The following NYAP2 variants were observed in gnomAD, a reference collection of about 807,000 sequenced individuals.
The protein encoded by NYAP2 is neuronal tyrosine-phosphorylated phosphoinositide-3-kinase adaptor 2, also known as neuronal tyrosine-phosphorylated phosphoinositide-3-kinase adapter 2.
A neutral mutation model predicts 50.4 loss-of-function variants in NYAP2; 23 were observed. That is an observed-to-expected ratio of 0.46 (90% CI 0.33 to 0.65). The LOEUF (loss-of-function observed/expected upper bound fraction) is 0.65. Among genes scored for constraint, NYAP2 ranks in the 30% least tolerant of loss-of-function variants. The pLI is 0.02. For missense variants in NYAP2, 885 were observed against 861.0 expected (o/e 1.03, Z -0.35); for synonymous variants, 394 against 365.2 (o/e 1.08, Z -0.90).
rs115498923 is a variant in NYAP2, at chr2:225,626,130, T to C, written c.1619-787T>C. ...GTTTAATAAGAAATTATCAGTTCAG[T>C]ATCTGAAATGTTCATATGGGGACTC... On this transcript the variant is annotated intron_variant, in intron 5 of 6. Coordinates refer to ENST00000636099, the Ensembl canonical transcript of NYAP2. Among the ~76,000 whole-genome samples the C allele has an allele frequency of 5.3e-3, 810 of 152,332 alleles. 9 individuals are homozygous for C. The highest frequency in any genetic ancestry group is 0.019 in the African/African-American group (779 of 41,568).
intron 3 of NYAP2, among the ~76,000 whole-genome samples, chr2:225,468,063 AC>A (rs759832777): frequency 6.6e-6 from 1 of 152,192 alleles, no homozygotes; most frequent in African/African-American, 2.4e-5. Flanking sequence ...TAATATAATC[AC>A]TTTTAGGGAA....
At chr2:225,558,649 A>G (rs1445426060) in intron 4 of NYAP2, among the ~76,000 whole-genome samples, 2 of 152,076 alleles carry the variant, frequency 1.3e-5, no homozygotes, top group Admixed American at 1.3e-4. Context: ...CTTAACCATA[A>G]TCACATCTGT....
At chr2:225,451,973 TAC>T (rs373016170) in intron 3 of NYAP2, among the ~76,000 whole-genome samples, 3 of 151,898 alleles carry the variant, frequency 2.0e-5, no homozygotes, top group Non-Finnish European at 2.9e-5. Context: ...CACGTATATA[TAC>T]ACACACACAC....
At chr2:225,619,749 G>A (rs576263782) in intron 5 of NYAP2, among the ~76,000 whole-genome samples, 13 of 152,290 alleles carry the variant, frequency 8.5e-5, no homozygotes, top group African/African-American at 3.1e-4. Context: ...ATCCTGGAGA[G>A]AGTGTTTGCT....
chr2:225,620,080 C>T (rs2106252891), intron 5 of NYAP2, among the ~76,000 whole-genome samples: 1 of 152,250 alleles, frequency 6.6e-6, no homozygotes, highest in Middle Eastern at 3.4e-3. Context: ...AAAGCTTTAC[C>T]ACAGTATGTA....
At chr2:225,591,410 A>G (rs1296187804) in intron 5 of NYAP2, among the ~76,000 whole-genome samples, 1 of 152,164 alleles carries the variant, frequency 6.6e-6, no homozygotes, top group Non-Finnish European at 1.5e-5. Context: ...TTGTCTCAGG[A>G]ACAATAGCAA....
At chr2:225,401,951 T>C (rs1694870334) in intron 2 of NYAP2, among the ~76,000 whole-genome samples, 2 of 152,006 alleles carry the variant, frequency 1.3e-5, no homozygotes, top group African/African-American at 2.4e-5. Flanking sequence ...ATAACAAATA[T>C]AGAGAAAGAG....
At chr2:225,672,865 AT>A in the NYAP2 span, among the ~76,000 whole-genome samples, 2 of 152,058 alleles carry the variant, frequency 1.3e-5, no homozygotes, top group Non-Finnish European at 2.9e-5. Flanking sequence ...GCACTAATTG[AT>A]TAAGTTTGCC....
intron 5 of NYAP2, among the ~76,000 whole-genome samples, chr2:225,605,223 T>C (rs1473574061): frequency 1.3e-5 from 2 of 152,176 alleles, no homozygotes; most frequent in South Asian, 2.1e-4. Flanking sequence ...GTTAGAATGA[T>C]TTGAGTCTTA....
At chr2:225,567,128 G>A (rs753295048) in intron 4 of NYAP2, among the ~76,000 whole-genome samples, 5 of 152,108 alleles carry the variant, frequency 3.3e-5, no homozygotes, top group Non-Finnish European at 7.4e-5. Context: ...TGTATAGCAT[G>A]TCACAATATT....
At chr2:225,453,344 T>G (rs1359736851) in intron 3 of NYAP2, among the ~76,000 whole-genome samples, 2 of 152,190 alleles carry the variant, frequency 1.3e-5, no homozygotes, top group African/African-American at 4.8e-5. Context: ...ACAAATTGGC[T>G]GGGGATATTG....
In NYAP2 at chr2:225,533,675, C is replaced by G. The variant is rs534051301; in HGVS notation, c.523+20003C>G. Among the ~76,000 whole-genome samples the G allele has an allele frequency of 2.0e-5, 3 of 150,408 alleles. No individual in the cohort carries two copies. The South Asian group carries it at 6.3e-4, about 31-fold the overall frequency. ...CTACACTCCAGCCTGGGTGACAGAG[C>G]AAGACTCTGTCTCAAAAAAAAAAAG... is the stretch of plus-strand genomic sequence containing the variant. On this transcript the variant is annotated intron_variant, in intron 4 of 6. Transcript: ENST00000636099.
chr2:225,443,526 A>G (rs1237293321), intron 3 of NYAP2, among the ~76,000 whole-genome samples: 1 of 152,100 alleles, frequency 6.6e-6, no homozygotes, highest in East Asian at 1.9e-4. Flanking sequence ...AGCTGAACCA[A>G]TCCACAAGCA....
chr2:225,691,523 T>C, the NYAP2 span, among the ~76,000 whole-genome samples: 22 of 152,272 alleles, frequency 1.4e-4, 1 homozygote, highest in South Asian at 1.4e-3. Flanking sequence ...CTTGAAGATA[T>C]ATGTAAAAAA....
At chr2:225,470,551 G>A (rs1689996838) in intron 3 of NYAP2, among the ~76,000 whole-genome samples, 1 of 152,084 alleles carries the variant, frequency 6.6e-6, no homozygotes, top group Non-Finnish European at 1.5e-5. Flanking sequence ...AACATTTCTG[G>A]TGGGTAAAAA....
At chr2:225,519,445 C>T (rs1328166438) in intron 4 of NYAP2, among the ~76,000 whole-genome samples, 2 of 136,018 alleles carry the variant, frequency 1.5e-5, no homozygotes, top group Admixed American at 8.2e-5. Flanking sequence ...CAACAGTCCC[C>T]AGAGTGTGAT....
chr2:225,406,787 TAATTTA>T, intron 2 of NYAP2, among the ~76,000 whole-genome samples: 1 of 152,102 alleles, frequency 6.6e-6, no homozygotes, highest in South Asian at 2.1e-4. Flanking sequence ...AGAACAAAAA[TAATTTA>T]AATTCCAGCC....
chr2:225,574,379 C>G (rs1385324752), intron 4 of NYAP2, among the ~76,000 whole-genome samples: 1 of 152,140 alleles, frequency 6.6e-6, no homozygotes, highest in Non-Finnish European at 1.5e-5. Context: ...GTTCTCCCTA[C>G]TCTGAGGGCA....
chr2:225,446,216 G>C (rs111889465), intron 3 of NYAP2, among the ~76,000 whole-genome samples: 1,013 of 69,576 alleles, frequency 0.015, 24 homozygotes, highest in African/African-American at 0.028. Flanking sequence ...CTGTCTGTCT[G>C]TCTCTCTCTC....
Sources: allele counts gnomAD v4.1 joint callset (sites outside exome capture counted in the v4.1 genomes callset), GRCh38; gene constraint gnomAD v4.1.1; transcripts MANE v1.5; gene names NCBI Gene and HGNC (gene_info 2026-07-23, HGNC 2026-07-21).